Variants in MADD observed in about 807,000 individuals in gnomAD.
The protein encoded by MADD is MAP kinase activating death domain.
Under a neutral mutation model 176.7 loss-of-function variants are expected in MADD, and 109 were observed. The observed-to-expected ratio is 0.62, with a 90% confidence interval of 0.53 to 0.72. The LOEUF (loss-of-function observed/expected upper bound fraction) is 0.72. Ranked by LOEUF, MADD falls within the 30% of genes least tolerant of loss-of-function variation. The pLI is 0.00. For missense variants in MADD, 1,914 were observed against 2,045.5 expected (o/e 0.94, Z 1.24); for synonymous variants, 771 against 771.3 (o/e 1.00, Z 0.01).
chr11:47,300,787 C>T (rs1420281876), intron 22 of MADD, among the ~76,000 whole-genome samples: 2 of 152,154 alleles, frequency 1.3e-5, no homozygotes, highest in Non-Finnish European at 1.5e-5. Flanking sequence ...CGTGAACCAC[C>T]GTGCCCTGTG....
Position 47,285,120 on chromosome 11 carries a change from TC to T in MADD, c.2342del (p.Pro781LeufsTer34). 1.2e-6 allele frequency: 2 copies of T among 1,614,000 alleles called. No individual in the cohort carries two copies. The highest frequency in any genetic ancestry group is 8.5e-7 in the Non-Finnish European group (1 of 1,179,996). On this transcript the variant is annotated frameshift_variant, in exon 13 of 33. Coordinates refer to ENST00000402192, the Ensembl canonical transcript of MADD. LOFTEE classifies it high-confidence loss of function. ...CATACTTCGAGCCCCAATATGGCTTTCCCCCTGAGGAAGATGAGGATGAGCA... is the reference window on the plus strand; with the variant it reads ...CATACTTCGAGCCCCAATATGGCTTTCCCCTGAGGAAGATGAGGATGAGCA...
intron 13 of MADD, 47 bp downstream of exon 13, chr11:47,285,241 C>T (rs2059786463): frequency 3.1e-6 from 5 of 1,596,722 alleles, no homozygotes; most frequent in Non-Finnish European, 4.3e-6. Context: ...AAGGACCTCA[C>T]CTCAGTGGAC....
In MADD at chr11:47,309,821, G is replaced by C. The variant is rs147596054; in HGVS notation, c.3978+209G>C. ...CCAGTTTTACTAAGGAGTGTTGTAGGAAGAACTGATGATTCTCTTTTTTTT... is the reference window on the plus strand; with the variant it reads ...CCAGTTTTACTAAGGAGTGTTGTAGCAAGAACTGATGATTCTCTTTTTTTT... On this transcript the variant is annotated intron_variant, in intron 25 of 32. Coordinates refer to ENST00000402192, the Ensembl canonical transcript of MADD. Among the ~76,000 whole-genome samples, 76 of 152,030 alleles carry C rather than the reference G, an allele frequency of 5.0e-4. 3 individuals are homozygous for C. In the East Asian group the frequency reaches 0.01, roughly 21 times the overall value.
chr11:47,276,022 C>A (rs1411447736), exon 4 of MADD: 2 of 1,614,232 alleles, frequency 1.2e-6, no homozygotes, highest in Non-Finnish European at 1.7e-6. Context: ...CAGTACCCGT[C>A]TCTGGGCAGA....
chr11:47,310,137 C>G (rs914020022), intron 25 of MADD, among the ~76,000 whole-genome samples: 3 of 151,410 alleles, frequency 2.0e-5, no homozygotes, highest in African/African-American at 7.3e-5. Context: ...CCAGTGCGCC[C>G]GACCAAGAAC....
chr11:47,290,440 C>A, intron 18 of MADD, 141 bp downstream of exon 19: 2 of 1,288,454 alleles, frequency 1.6e-6, no homozygotes, highest in Non-Finnish European at 2.1e-6. Context: ...TTTTCTAATG[C>A]ATGTTTATAC....
chr11:47,308,006 A>G (rs2084446109), intron 22 of MADD, among the ~76,000 whole-genome samples: 1 of 152,252 alleles, frequency 6.6e-6, no homozygotes, highest in African/African-American at 2.4e-5. Flanking sequence ...ACTCAGAAGT[A>G]GCAGATGAAG....
intron 14 of MADD, among the ~76,000 whole-genome samples, 193 bp downstream of exon 14, chr11:47,285,783 C>CATT (rs386373774): frequency 6.6e-6 from 1 of 151,910 alleles, no homozygotes; most frequent in Non-Finnish European, 1.5e-5. Context: ...ACAGATTAGT[C>CATT]ATTATGCCTG....
intron 31 of MADD, chr11:47,327,463 G>GTGCTGCC (rs2095574751): frequency 1.0e-6 from 1 of 985,356 alleles, no homozygotes; most frequent in African/African-American, 1.7e-5. Context: ...ACCTCGGCTC[G>GTGCTGCC]TGCTGCCTCT....
intron 18 of MADD, 102 bp downstream of exon 19, chr11:47,290,401 G>C: frequency 6.9e-7 from 1 of 1,452,130 alleles, no homozygotes; most frequent in South Asian, 1.3e-5. Context: ...CCAGTGCCAC[G>C]CTGCTTCCCA....
chr11:47,310,371 G>T (rs570669222), intron 25 of MADD, among the ~76,000 whole-genome samples: 1 of 140,974 alleles, frequency 7.1e-6, no homozygotes, highest in African/African-American at 2.6e-5. Context: ...TAGTAGAGAC[G>T]GGGTTTCACA....
Position 47,325,011 on chromosome 11 carries a change from G to T in MADD, c.4542+434G>T, listed in dbSNP as rs934046860. 7 of 534,798 alleles carry T rather than the reference G, an allele frequency of 1.3e-5. No homozygotes were observed. Among genetic ancestry groups the T allele is most frequent in the South Asian group, 4.4e-5 (2 of 44,946 alleles). The allele number at this position is 534,798 out of a possible 1,614,324, so 33.1% of individuals were successfully genotyped here. ...GTGCGTGCAGCTTGCGTGTGCGTGC[G>T]TGCGTGCCTGCGTGCTTGTGTGTAA... On this transcript the variant is annotated intron_variant, in intron 30 of 32. Coordinates refer to ENST00000402192, the Ensembl canonical transcript of MADD. This position sits in a 1 kb window ranked among gnomAD's most constrained non-coding sequence, Gnocchi z 4.5.
In MADD at chr11:47,315,262, A is replaced by ATG; in HGVS notation, c.4133_4134dup (p.Lys1379Ter). On this transcript the variant is annotated frameshift_variant, in exon 27 of 33. Coordinates refer to ENST00000402192, the Ensembl canonical transcript of MADD. LOFTEE classifies it high-confidence loss of function. ...TATCTGGTCCAGTGGCAGCCGGCAC[A>ATG]TGAAGAAGCAGACATTTGTGGTACA... The ATG allele has an allele frequency of 6.2e-7, 1 of 1,613,978 alleles. No homozygotes were observed. Among genetic ancestry groups the ATG allele is most frequent in the Non-Finnish European group, 8.5e-7 (1 of 1,179,874 alleles).
chr11:47,303,141 T>G (rs765383485), intron 22 of MADD, among the ~76,000 whole-genome samples: 6 of 152,160 alleles, frequency 3.9e-5, no homozygotes, highest in Admixed American at 6.5e-5. Context: ...GCTTTGAATA[T>G]ATCATCCCAT....
rs139036000 is a variant in MADD at position 47,317,410 on chromosome 11, C to T, written c.4197+2083C>T. Among the ~76,000 whole-genome samples the T allele has an allele frequency of 7.9e-5, 12 of 152,288 alleles. No homozygotes were observed. The South Asian group carries it at 1.5e-3, about 18-fold the overall frequency. ...TATAATTCTTAAGTGTCTCATAACA[C>T]GTAATACCCCCTTTGCCATTAATTT... On this transcript the variant is annotated intron_variant, in intron 27 of 32. Transcript: ENST00000402192.
exon 28 of MADD, chr11:47,323,726 G>T: frequency 1.2e-6 from 2 of 1,614,146 alleles, no homozygotes. Flanking sequence ...TATGAGCGCT[G>T]GTGGTACGAG....
At chr11:47,289,124 C>CA in intron 15 of MADD, 97 bp downstream of exon 16, 1 of 1,226,206 alleles carries the variant, frequency 8.2e-7, no homozygotes, top group Non-Finnish European at 1.1e-6. Flanking sequence ...CAAGCAGCGT[C>CA]ACATGAGTGA....
At chr11:47,309,727 A>G (rs572187955) in intron 25 of MADD, 115 bp downstream of exon 28, 94 of 717,454 alleles carry the variant, frequency 1.3e-4, no homozygotes, top group Non-Finnish European at 1.9e-4. Flanking sequence ...ACTTAGGGCT[A>G]TCTTCTTGAT....
chr11:47,284,707 G>A (rs1327100106), intron 12 of MADD, 142 bp downstream of exon 12: 1 of 1,271,336 alleles, frequency 7.9e-7, no homozygotes, highest in African/African-American at 1.5e-5. Flanking sequence ...AGAGCTTAGA[G>A]CCTAAGAGAC....
Sources: gnomAD v4.1 joint callset for allele counts (sites outside exome capture counted in the v4.1 genomes callset) on GRCh38, gnomAD v4.1.1 for gene constraint, Gnocchi (gnomAD v3.1) non-coding constraint, MANE v1.5 for transcripts, NCBI Gene and HGNC (gene_info 2026-07-23, HGNC 2026-07-21) for gene names.